The following MARCHF8 variants were observed in gnomAD, a reference collection of about 807,000 sequenced individuals.
MARCHF8 encodes E3 ubiquitin-protein ligase MARCHF8.
A neutral mutation model predicts 51.6 loss-of-function variants in MARCHF8; 40 were observed. That is an observed-to-expected ratio of 0.77 (90% CI 0.60 to 1.01). The LOEUF is 1.01. Among genes scored for constraint, MARCHF8 ranks in the 50% least tolerant of loss-of-function variants. The pLI, the probability that MARCHF8 is intolerant of heterozygous loss-of-function variation, is 0.00. For synonymous variants in MARCHF8, 263 were observed against 280.3 expected, an observed-to-expected ratio of 0.94 and a Z score of 0.62; for missense variants, 685 against 708.6, an observed-to-expected ratio of 0.97 and a Z score of 0.38.
At chr10:45,473,814 G>C (rs546156015) in intron 3 of MARCHF8, among the ~76,000 whole-genome samples, 2 of 152,280 alleles carry the variant, frequency 1.3e-5, no homozygotes, top group East Asian at 1.9e-4. Flanking sequence ...GGTGCCATGA[G>C]AGCCATCACC....
At chr10:45,538,289 G>A (rs1456983650), upstream of MARCHF8, among the ~76,000 whole-genome samples, 4 of 151,662 alleles carry the variant, frequency 2.6e-5, no homozygotes, top group Non-Finnish European at 5.9e-5. Flanking sequence ...TCACCACCAG[G>A]CCTGCCCTAA....
At chr10:45,531,384 G>A (rs965510550) in intron 2 of MARCHF8, among the ~76,000 whole-genome samples, 1 of 152,066 alleles carries the variant, frequency 6.6e-6, no homozygotes, top group African/African-American at 2.4e-5. Context: ...AAAAATGATA[G>A]ATGGAAATAC....
At chr10:45,549,372 C>G (rs943776676) in intron 1 of MARCHF8, among the ~76,000 whole-genome samples, 2 of 152,196 alleles carry the variant, frequency 1.3e-5, no homozygotes, top group Non-Finnish European at 2.9e-5. Context: ...CTGGGCAGCT[C>G]TTCTGCTGCC....
intron 1 of MARCHF8, among the ~76,000 whole-genome samples, chr10:45,542,345 C>CA (rs60776762): frequency 0.032 from 1,575 of 48,870 alleles, 168 homozygotes; most frequent in African/African-American, 0.075. Context: ...GACTTCGTCT[C>CA]AAAAAAAAAA....
intron 1 of MARCHF8, among the ~76,000 whole-genome samples, chr10:45,592,176 T>C (rs1052356875): frequency 6.6e-5 from 10 of 152,186 alleles, no homozygotes; most frequent in African/African-American, 2.4e-4. Context: ...GTTAAGAAAT[T>C]GGTCTGGACA....
chr10:45,591,785 CAA>C, intron 1 of MARCHF8, among the ~76,000 whole-genome samples: 1 of 152,262 alleles, frequency 6.6e-6, no homozygotes, highest in African/African-American at 2.4e-5. Flanking sequence ...TTAAATCCAG[CAA>C]AGTGTATGCT....
intron 1 of MARCHF8, among the ~76,000 whole-genome samples, chr10:45,577,640 C>CTTGATT (rs71515366): frequency 0.062 from 9,364 of 152,170 alleles, 325 homozygotes; most frequent in Non-Finnish European, 0.066. Flanking sequence ...ATGCTGGTGC[C>CTTGATT]TTGAACTTCC....
At chr10:45,497,985 T>C (rs1171619772) in intron 2 of MARCHF8, among the ~76,000 whole-genome samples, 1 of 152,208 alleles carries the variant, frequency 6.6e-6, no homozygotes, top group Non-Finnish European at 1.5e-5. Flanking sequence ...TATTTTGTTA[T>C]GGCAGCCTGA....
In MARCHF8 at chr10:45,459,119, C is replaced by G. The variant is rs1399344083; in HGVS notation, c.1417+1G>C. On this transcript the variant is annotated splice_donor_variant, in intron 7 of 7. Transcript: ENST00000453424. LOFTEE classifies it high-confidence loss of function. ...GAGCTTGCTCCAGCCTGAGAACTCA[C>G]CTGTTGCCTGCCCCTGCTTGATCTC... 6.2e-7 allele frequency: 1 copy of G among 1,613,956 alleles called. No homozygotes were observed. The highest frequency in any genetic ancestry group is 1.7e-5 in the Admixed American group (1 of 59,994).
At chr10:45,532,438 T>C (rs1589156004) in intron 2 of MARCHF8, among the ~76,000 whole-genome samples, 1 of 152,196 alleles carries the variant, frequency 6.6e-6, no homozygotes, top group East Asian at 1.9e-4. Context: ...CTCTAATCCA[T>C]AATGTAATGG....
At chr10:45,563,532 C>T in intron 1 of MARCHF8, among the ~76,000 whole-genome samples, 1 of 151,896 alleles carries the variant, frequency 6.6e-6, no homozygotes, top group Admixed American at 6.6e-5. Context: ...GAATAAACCA[C>T]AAAAATACTT....
intron 6 of MARCHF8, among the ~76,000 whole-genome samples, chr10:45,460,673 T>C (rs973190402): frequency 1.3e-5 from 2 of 152,220 alleles, no homozygotes; most frequent in African/African-American, 2.4e-5. Context: ...AGCAGTGACA[T>C]GGGCCTCCAG....
At chr10:45,542,142 G>C (rs2044061954) in intron 1 of MARCHF8, among the ~76,000 whole-genome samples, 1 of 152,008 alleles carries the variant, frequency 6.6e-6, no homozygotes, top group African/African-American at 2.4e-5. Context: ...TCAGGAAATT[G>C]AGACCATCCT....
intron 1 of MARCHF8, among the ~76,000 whole-genome samples, chr10:45,579,781 A>C (rs1464498958): frequency 1.3e-5 from 2 of 152,088 alleles, no homozygotes; most frequent in Non-Finnish European, 2.9e-5. Context: ...TGGGAGGCAG[A>C]GGTGGGTGGA....
chr10:45,463,328 G>C lies in MARCHF8; in HGVS notation c.911C>G (p.Ser304Cys), dbSNP rs1198304610. Residue 304 changes from serine (S) to cysteine (C), a missense_variant, in exon 5 of 8, where the codon TCT becomes TGT. Ser to Cys is a moderately radical substitution (Grantham distance 112, BLOSUM62 -1). Transcript: ENST00000453424. ...GACATCGTCGTCTCCCATCTCGTCA[G>C]AGCAGAAGCCCATACTCCCTGCCAG... ...SGLAGSMGFC[S>C]DEMGDDDVFE... 5 of 1,550,964 alleles carry C rather than the reference G, an allele frequency of 3.2e-6. No individual in the cohort carries two copies. In the South Asian group the frequency reaches 5.9e-5, roughly 18 times the overall value.
chr10:45,531,738 A>C (rs1276165048), intron 2 of MARCHF8, among the ~76,000 whole-genome samples: 1 of 152,224 alleles, frequency 6.6e-6, no homozygotes, highest in African/African-American at 2.4e-5. Context: ...GATTAGACTA[A>C]GCAAACAGGT....
intron 4 of MARCHF8, 85 bp downstream of exon 4, chr10:45,464,154 C>A: frequency 1.3e-6 from 2 of 1,570,032 alleles, no homozygotes; most frequent in Non-Finnish European, 1.8e-6. Flanking sequence ...ATTGATTAAG[C>A]AAATGGAAAT....
At position 45,458,405 on chromosome 10, in the gene MARCHF8, T is replaced by G. The variant is rs368417263; in HGVS notation, c.1556A>C (p.Tyr519Ser). 1.5e-4 allele frequency: 246 copies of G among 1,614,088 alleles called. No homozygotes were observed. The highest frequency in any genetic ancestry group is 2.0e-4 in the Non-Finnish European group (241 of 1,180,046). ...KRLKAYNRVI[Y>S]VQNCPETSKK... Reference sequence around the variant, plus strand: ...GCTTGTTTCTGGACAGTTTTGAACATAGATCACTCTATTATAGGCCTTGAG... The same window carrying G: ...GCTTGTTTCTGGACAGTTTTGAACAGAGATCACTCTATTATAGGCCTTGAG... The change falls in exon 8 of 8, where the codon TAT becomes TCT. Residue 519 changes from tyrosine (Y) to serine (S), a missense_variant. Tyr to Ser is a moderately radical substitution (Grantham distance 144, BLOSUM62 -2). Coordinates refer to ENST00000453424, the MANE Select transcript of MARCHF8 (RefSeq NM_001282866.2).
Position 45,463,792 on chromosome 10 carries a change from T to G in MARCHF8, c.447A>C (p.Arg149Ser). 3 of 1,550,614 alleles carry G rather than the reference T, an allele frequency of 1.9e-6. No individual in the cohort carries two copies. The highest frequency in any genetic ancestry group is 2.6e-6 in the Non-Finnish European group (3 of 1,147,130). The part of the protein sequence containing the change: ...ALKPAKNTKA[R>S]RTLKFSRSLN... Reference sequence around the variant, plus strand: ...GGGACCTTGAGAACTTTAGTGTTCTTCTGGCTTTGGTATTCTTAGCAGGCT... The same window carrying G: ...GGGACCTTGAGAACTTTAGTGTTCTGCTGGCTTTGGTATTCTTAGCAGGCT... The change falls in exon 5 of 8, where the codon AGA becomes AGC. Residue 149 changes from arginine to serine, a missense_variant. Transcript: ENST00000453424.
Sources: gnomAD v4.1 joint callset for allele counts (sites outside exome capture counted in the v4.1 genomes callset) on GRCh38, gnomAD v4.1.1 for gene constraint, MANE v1.5 for transcripts, NCBI Gene and HGNC (gene_info 2026-07-23, HGNC 2026-07-21) for gene names.